The following DOCK9 variants were observed in gnomAD, a reference collection of about 807,000 sequenced individuals.
DOCK9 encodes dedicator of cytokinesis 9.
DOCK9 carries 89 observed loss-of-function variants against 263.3 expected under a neutral mutation model. That is an observed-to-expected ratio of 0.34 (90% confidence interval 0.28 to 0.40). The LOEUF (loss-of-function observed/expected upper bound fraction) is 0.40. Ranked by LOEUF, DOCK9 falls within the 10% of genes least tolerant of loss-of-function variation. The pLI is 1.00. For synonymous variants in DOCK9, 976 were observed against 973.1 expected (o/e 1.00, Z -0.06); for missense variants, 2,140 against 2,603.4 (o/e 0.82, Z 3.87).
chr13:99,054,224 GA>G (rs1440044377), intron 1 of DOCK9, among the ~76,000 whole-genome samples: 2 of 151,670 alleles, frequency 1.3e-5, no homozygotes, highest in African/African-American at 2.4e-5. Context: ...CTCTCACTTA[GA>G]AAAAAAACAG....
intron 1 of DOCK9, among the ~76,000 whole-genome samples, chr13:99,029,062 C>T (rs543340407): frequency 1.6e-4 from 25 of 152,224 alleles, no homozygotes; most frequent in Non-Finnish European, 2.9e-4. Flanking sequence ...GCTCCTTCCC[C>T]TCTGCTTCCT....
At chr13:98,887,382 C>T (rs1004269832) in intron 18 of DOCK9, among the ~76,000 whole-genome samples, 4 of 150,382 alleles carry the variant, frequency 2.7e-5, no homozygotes, top group Non-Finnish European at 4.4e-5. Flanking sequence ...TTTGGGAGGC[C>T]AAGGTGGGCA....
chr13:98,815,624 G>A (rs2091771729), intron 45 of DOCK9, among the ~76,000 whole-genome samples: 1 of 152,062 alleles, frequency 6.6e-6, no homozygotes, highest in Non-Finnish European at 1.5e-5. Context: ...TGGGACAACA[G>A]GGGCCTGCCA....
At chr13:98,808,580 G>A (rs1374282654) in intron 47 of DOCK9, 11 of 1,141,794 alleles carry the variant, frequency 9.6e-6, no homozygotes, top group Non-Finnish European at 1.4e-5. Flanking sequence ...CATCAAACTA[G>A]GAGTTTAGAC....
upstream of DOCK9, among the ~76,000 whole-genome samples, chr13:98,979,229 T>TAGTAGTAGTAGTAGC (rs1555439294): frequency 1.6e-5 from 2 of 125,050 alleles, no homozygotes; most frequent in African/African-American, 6.7e-5. Context: ...GTAGTAGTAG[T>TAGTAGTAGTAGTAGC]AGCAGCAGCG....
chr13:98,968,448 C>T (rs779004524), intron 1 of DOCK9, among the ~76,000 whole-genome samples: 13 of 152,008 alleles, frequency 8.6e-5, no homozygotes, highest in African/African-American at 2.9e-4. Flanking sequence ...TGGTTCACCC[C>T]GTCTCTACTA....
At position 98,846,070 on chromosome 13, in the gene DOCK9, G is replaced by A. The variant is rs1185993788; in HGVS notation, c.4062-10C>T. On this transcript the variant is annotated splice_polypyrimidine_tract_variant and intron_variant, in intron 37 of 52. Transcript: ENST00000682017. ...CAACCCCTCCTGGTTCCTGCAACAT[G>A]AGTGAAATGGGATAGAAGCAAAAGT... 3 of 1,561,876 alleles carry A rather than the reference G, an allele frequency of 1.9e-6. No homozygotes were observed. Among genetic ancestry groups the A allele is most frequent in the Non-Finnish European group, 2.6e-6 (3 of 1,152,048 alleles).
chr13:99,075,497 G>A (rs2041873449), intron 1 of DOCK9, among the ~76,000 whole-genome samples: 2 of 151,562 alleles, frequency 1.3e-5, no homozygotes, highest in South Asian at 2.1e-4. Context: ...GGGACTACAG[G>A]TGTGTGCCAC....
intron 4 of DOCK9, 135 bp downstream of exon 4, chr13:98,925,702 A>G: frequency 1.9e-6 from 1 of 539,898 alleles, no homozygotes. Context: ...TGTAAACAAT[A>G]GTTACACCAC....
At position 98,862,107 on chromosome 13, in the gene DOCK9, T is replaced by C. The variant is rs2093889246; in HGVS notation, c.3579+912A>G. Among the ~76,000 whole-genome samples the C allele has an allele frequency of 2.6e-5, 4 of 152,192 alleles. No homozygotes were observed. In the South Asian group the frequency reaches 6.2e-4, roughly 24 times the overall value. The stretch of plus-strand genomic sequence containing the variant: ...AAAATTCTGAGGCCTCACAAGACAT[T>C]GGTTCATCACGAGAACATGGTTTTC... On this transcript the variant is annotated intron_variant, in intron 32 of 52. Coordinates refer to ENST00000682017, the MANE Select transcript of DOCK9 (RefSeq NM_001366683.2).
At position 98,930,184 on chromosome 13, in the gene DOCK9, C is replaced by A. The variant is rs1263812694; in HGVS notation, c.317G>T (p.Ser106Ile). ...GAGCCTTACCTCTGTAACAAACAAG[C>A]TCTGTGCTTCCTCTTCCGCCTTCGC... ...VPAKAEEEAQ[S>I]LFVTECIKTY... is the part of the protein sequence containing the mutation. Residue 106 changes from serine (S) to isoleucine (I), a missense_variant, in exon 3 of 53, where the codon AGC (serine) becomes ATC (isoleucine). By Grantham distance (142) the Ser-to-Ile change is moderately radical. Coordinates refer to ENST00000682017, the MANE Select transcript of DOCK9 (RefSeq NM_001366683.2). 6.2e-7 allele frequency: 1 copy of A among 1,610,834 alleles called. No homozygotes were observed. The highest frequency in any genetic ancestry group is 8.5e-7 in the Non-Finnish European group (1 of 1,178,526).
intron 1 of DOCK9, among the ~76,000 whole-genome samples, chr13:99,001,201 C>T (rs1433088943): frequency 1.3e-5 from 2 of 152,200 alleles, no homozygotes. Context: ...AAATATACTG[C>T]CTTACATTTA....
chr13:98,887,158 T>A (rs866953480), intron 18 of DOCK9, among the ~76,000 whole-genome samples: 2,114 of 116,062 alleles, frequency 0.018, 55 homozygotes, highest in African/African-American at 0.034. Flanking sequence ...TTTTTTTTTT[T>A]TTTTTTTTTG....
chr13:98,876,895 A>C (rs1399592122), intron 27 of DOCK9, among the ~76,000 whole-genome samples: 1 of 152,204 alleles, frequency 6.6e-6, no homozygotes, highest in Non-Finnish European at 1.5e-5. Flanking sequence ...TTTTATAGTA[A>C]ATTATGTTAT....
chr13:98,902,595 T>C, intron 11 of DOCK9, 104 bp from the exon 12 acceptor site: 1 of 1,060,606 alleles, frequency 9.4e-7, no homozygotes, highest in Non-Finnish European at 1.4e-6. Flanking sequence ...ACTGTTGCCA[T>C]AAATTACTAC....
At position 99,071,306 on chromosome 13, in the gene DOCK9, C is replaced by CTTTTTTTTTTTTTTTTT. The variant is rs71114578; in HGVS notation, c.129+14900_129+14916dup. On this transcript the variant is annotated intron_variant, in intron 1 of 32. Transcript: ENST00000427887. ...TACAGGTGCTTGCCACCATGCCTGGCTTTTTTTTTTTTTTTTTTTTTTTTT... is the reference window on the plus strand; with the variant it reads ...TACAGGTGCTTGCCACCATGCCTGGCTTTTTTTTTTTTTTTTTTTTTTTTTTTTTTTTTTTTTTTTTT... Among the ~76,000 whole-genome samples, 40 of 49,326 alleles carry CTTTTTTTTTTTTTTTTT rather than the reference C, an allele frequency of 8.1e-4. 3 individuals carry two copies. Among genetic ancestry groups the CTTTTTTTTTTTTTTTTT allele is most frequent in the South Asian group, 5.4e-3 (6 of 1,108 alleles). 32.4% of individuals were successfully genotyped at this position (49,326 alleles called of 152,430 possible). A position where few individuals can be genotyped will look rare whatever the true frequency, so the allele number is the denominator to read the frequency against.
intron 1 of DOCK9, among the ~76,000 whole-genome samples, chr13:99,038,589 A>C (rs1005800999): frequency 6.6e-6 from 1 of 152,082 alleles, no homozygotes; most frequent in African/African-American, 2.4e-5. Context: ...TATAGGCATG[A>C]GCCACCACGT....
chr13:99,028,248 G>A (rs915362127), intron 1 of DOCK9, among the ~76,000 whole-genome samples: 1 of 152,186 alleles, frequency 6.6e-6, no homozygotes, highest in African/African-American at 2.4e-5. Flanking sequence ...CAGTGAGGAG[G>A]ATACACTGCC....
At chr13:98,814,192 G>A (rs1210949554) in intron 45 of DOCK9, among the ~76,000 whole-genome samples, 14 of 152,228 alleles carry the variant, frequency 9.2e-5, no homozygotes, top group Admixed American at 2.0e-4. Flanking sequence ...TATAGCACAC[G>A]AGTCATAAAA....
Sources: gnomAD v4.1 joint callset for allele counts (sites outside exome capture counted in the v4.1 genomes callset) on GRCh38, gnomAD v4.1.1 for gene constraint, MANE v1.5 for transcripts, NCBI Gene and HGNC (gene_info 2026-07-23, HGNC 2026-07-21) for gene names.